The following USO1 variants were observed in gnomAD, a reference collection of about 807,000 sequenced individuals.
USO1 encodes general vesicular transport factor p115.
USO1 carries 57 observed loss-of-function variants against 124.5 expected under a neutral mutation model. That is an observed-to-expected ratio of 0.46 (90% CI 0.37 to 0.57). The LOEUF (loss-of-function observed/expected upper bound fraction) is 0.57, where lower values mean the gene tolerates loss of function less well. Ranked by LOEUF, USO1 falls within the 20% of genes least tolerant of loss-of-function variation. The pLI is 0.00. For synonymous variants in USO1, 369 were observed against 362.8 expected, an observed-to-expected ratio of 1.02 and a Z score of -0.19; for missense variants, 900 against 1,040.6, an observed-to-expected ratio of 0.86 and a Z score of 1.86.
Position 75,800,910 on chromosome 4 carries a change from T to C in USO1, c.1864+111T>C. 2.1e-6 allele frequency: 3 copies of C among 1,452,182 alleles called. No homozygotes were observed. In the African/African-American group the frequency reaches 4.3e-5, roughly 21 times the overall value. The allele number at this position is 1,452,182 out of a possible 1,614,324, so 90.0% of individuals were successfully genotyped here. A position where few individuals can be genotyped will look rare whatever the true frequency, so the allele number is the denominator to read the frequency against. On this transcript the variant is annotated intron_variant, in intron 16 of 23. Coordinates refer to ENST00000514213, the MANE Select transcript of USO1 (RefSeq NM_003715.4). ...ATGGTAACTCTAAAGGTATATTTTC[T>C]TCCTAGCTCTTGATCTGTAGCCCAT...
intron 8 of USO1, among the ~76,000 whole-genome samples, chr4:75,778,303 A>C (rs1722127482): frequency 6.6e-6 from 1 of 152,174 alleles, no homozygotes; most frequent in Non-Finnish European, 1.5e-5. Context: ...TTTTACAGTA[A>C]AATAAGGTAG....
chr4:75,790,546 T>C (rs1200602824), intron 11 of USO1, 97 bp from the exon 12 acceptor site: 13 of 1,473,138 alleles, frequency 8.8e-6, no homozygotes, highest in Non-Finnish European at 1.1e-5. Context: ...GCTGGTGTTC[T>C]GGTTATGATT....
At chr4:75,752,281 AT>A (rs1194474175) in intron 1 of USO1, 91 bp from the exon 2 acceptor site, 983 of 351,538 alleles carry the variant, frequency 2.8e-3, no homozygotes, top group Non-Finnish European at 3.0e-3. Flanking sequence ...CCATGTGCTG[AT>A]TTTTTTTTTA....
rs1362385142 is a variant in USO1, at chr4:75,790,153, A to G, written c.1000A>G (p.Ile334Val). Residue 334 changes from isoleucine to valine, a missense_variant, in exon 11 of 24, where the codon ATA (isoleucine) becomes GTA (valine). Ile to Val is a conservative substitution (Grantham distance 29, BLOSUM62 3). Around this residue, in one of 2 missense-constraint regions of USO1, gnomAD observed 538 missense variants for 681.6 expected, o/e 0.79. Transcript: ENST00000514213. ...GVPADILTET[I>V]NTVSEVIRGC... is the part of the protein sequence containing the mutation. ...TTTTCTTTCTTCCCCTTAACAGACCATAAATACTGTATCAGAAGTTATTCG... is the reference window on the plus strand; with the variant it reads ...TTTTCTTTCTTCCCCTTAACAGACCGTAAATACTGTATCAGAAGTTATTCG... The G allele has an allele frequency of 2.5e-6, 4 of 1,599,662 alleles. No homozygotes were observed. The highest frequency in any genetic ancestry group is 3.4e-6 in the Non-Finnish European group (4 of 1,172,742).
chr4:75,806,528 A>G lies in USO1; in HGVS notation c.2332A>G (p.Ile778Val), dbSNP rs775338745. 3.2e-6 allele frequency: 5 copies of G among 1,562,224 alleles called. No homozygotes were observed. The highest frequency in any genetic ancestry group is 1.7e-4 in the Middle Eastern group (1 of 6,026). The change falls in exon 20 of 24, where the codon ATA (isoleucine) becomes GTA (valine). Residue 778 changes from isoleucine (I) to valine (V), a missense_variant. Ile to Val is a conservative substitution (Grantham distance 29). Transcript: ENST00000514213. ...TGGCACAAATGAACAGTCTTCAGCA[A>G]TAGTTTCAGCTAGAGATTCTGAACA... ...TSGTNEQSSA[I>V]VSARDSEQVA... is the part of the protein sequence containing the mutation.
chr4:75,760,670 A>G (rs904090689), intron 4 of USO1: 7 of 396,866 alleles, frequency 1.8e-5, no homozygotes, highest in African/African-American at 4.1e-5. Flanking sequence ...ATAAAAGGAC[A>G]CTGTCAAGTA....
At chr4:75,741,293 C>T (rs1475596439) in intron 1 of USO1, among the ~76,000 whole-genome samples, 1 of 152,104 alleles carries the variant, frequency 6.6e-6, no homozygotes. Flanking sequence ...ATAGAGCTTG[C>T]AGGACCAGAA....
intron 1 of USO1, among the ~76,000 whole-genome samples, chr4:75,750,018 G>T (rs1721259237): frequency 1.3e-5 from 2 of 152,154 alleles, no homozygotes; most frequent in Non-Finnish European, 2.9e-5. Context: ...CTCCCAAAGT[G>T]CTAGGATTAT....
At chr4:75,753,913 A>G (rs954049436) in intron 3 of USO1, among the ~76,000 whole-genome samples, 11 of 150,446 alleles carry the variant, frequency 7.3e-5, no homozygotes, top group Admixed American at 4.7e-4. Flanking sequence ...CCTCCCAAGT[A>G]GCTGGTACCT....
chr4:75,760,662 A>G, intron 4 of USO1: 1 of 397,356 alleles, frequency 2.5e-6, no homozygotes, highest in East Asian at 3.6e-5. Flanking sequence ...CTGATAATAT[A>G]AAAGGACACT....
intron 21 of USO1, 133 bp from the exon 22 acceptor site, chr4:75,810,299 A>T (rs969970390): frequency 9.7e-7 from 1 of 1,028,992 alleles, no homozygotes; most frequent in African/African-American, 1.6e-5. Flanking sequence ...GTTGCACATA[A>T]ATACATAAGG....
intron 3 of USO1, among the ~76,000 whole-genome samples, chr4:75,752,912 T>A (rs1721331693): frequency 1.3e-5 from 2 of 152,200 alleles, no homozygotes; most frequent in Non-Finnish European, 2.9e-5. Flanking sequence ...TGCGAGCCAC[T>A]GTGTTAAGCA....
intron 7 of USO1, among the ~76,000 whole-genome samples, chr4:75,773,291 A>G (rs1560448815): frequency 6.6e-6 from 1 of 152,074 alleles, no homozygotes; most frequent in Non-Finnish European, 1.5e-5. Context: ...TGTCTGGATT[A>G]TTGGTTTTTA....
intron 17 of USO1, among the ~76,000 whole-genome samples, chr4:75,801,422 A>G (rs901825043): frequency 6.6e-6 from 1 of 152,198 alleles, no homozygotes; most frequent in Non-Finnish European, 1.5e-5. Context: ...TGAAACTACA[A>G]TTGCGGAATC....
rs533975403 is a variant in USO1 at position 75,785,323 on chromosome 4, T to C, written c.856-1739T>C. ...GCAGACTATATTTAGGGAAAACATC[T>C]TTTGAAAAGTTTTTTAGTTATAAAA... On this transcript the variant is annotated intron_variant, in intron 9 of 23. Transcript: ENST00000514213. 3.6e-3 allele frequency among the ~76,000 whole-genome samples: 551 copies of C among 152,238 alleles called. 8 individuals carry two copies. The highest frequency in any genetic ancestry group is 0.012 in the African/African-American group (504 of 41,570).
intron 1 of USO1, among the ~76,000 whole-genome samples, chr4:75,729,263 C>T (rs539649042): frequency 3.9e-5 from 6 of 152,232 alleles, no homozygotes; most frequent in Non-Finnish European, 8.8e-5. Context: ...AACCACTAGA[C>T]CACCAGGGAC....
At chr4:75,726,991 G>A (rs1337170636) in intron 1 of USO1, among the ~76,000 whole-genome samples, 2 of 152,192 alleles carry the variant, frequency 1.3e-5, no homozygotes, top group Non-Finnish European at 2.9e-5. Flanking sequence ...ATGTAATGAA[G>A]ATTAAGTGAA....
chr4:75,801,155 G>A lies in USO1; in HGVS notation c.1941G>A (p.Gln647=). Residue 647 remains glutamine, a synonymous_variant, in exon 17 of 24, where the codon CAG becomes CAA. Transcript: ENST00000514213. ...AAGAGGTGAAAAAAACATTAGAACA[G>A]CATGACAATATTGTGACTCACTACA... The part of the protein sequence containing the change: ...KEEEVKKTLE[Q]HDNIVTHYKN... 2 of 1,611,250 alleles carry A rather than the reference G, an allele frequency of 1.2e-6. No homozygotes were observed. Among genetic ancestry groups the A allele is most frequent in the Non-Finnish European group, 1.7e-6 (2 of 1,178,804 alleles).
intron 18 of USO1, among the ~76,000 whole-genome samples, chr4:75,804,679 T>C (rs1185899325): frequency 3.3e-5 from 5 of 152,232 alleles, no homozygotes; most frequent in Non-Finnish European, 5.9e-5. Flanking sequence ...GAATGACCGC[T>C]GTAATCTTTC....
Sources: gnomAD v4.1 joint callset for allele counts (sites outside exome capture counted in the v4.1 genomes callset) on GRCh38, gnomAD v4.1.1 for gene constraint, gnomAD v4.1.1 regional missense constraint, MANE v1.5 for transcripts, NCBI Gene and HGNC (gene_info 2026-07-23, HGNC 2026-07-21) for gene names.